Variants in C4orf51 observed in about 807,000 individuals in gnomAD.
C4orf51 encodes chromosome 4 open reading frame 51.
C4orf51 carries 25 observed loss-of-function variants against 25.2 expected under a neutral mutation model. The ratio of observed to expected loss-of-function variants is 0.99; its 90% CI spans 0.72 to 1.39. The LOEUF is 1.39. Ranked by LOEUF, C4orf51 falls within the 40% of genes most tolerant of loss-of-function variation. C4orf51 has a pLI of 0.00. For synonymous variants in C4orf51, 100 were observed against 84.5 expected (o/e 1.18, Z -1.01); for missense variants, 252 against 239.6 (o/e 1.05, Z -0.34).
chr4:145,775,818 A>G (rs751638060), downstream of C4orf51: 5 of 1,614,086 alleles, frequency 3.1e-6, no homozygotes, highest in African/African-American at 4.0e-5. Context: ...TCTTCCCATC[A>G]CTGCCTTCAG....
chr4:145,769,622 C>T (rs560244579), intron 1 of C4orf51, among the ~76,000 whole-genome samples: 76 of 152,310 alleles, frequency 5.0e-4, no homozygotes, highest in African/African-American at 1.7e-3. Context: ...ACAGCCTCTC[C>T]TGTTTCTGTC....
chr4:145,713,183 A>G (rs1731225543), intron 2 of C4orf51, among the ~76,000 whole-genome samples: 1 of 152,230 alleles, frequency 6.6e-6, no homozygotes, highest in Admixed American at 6.5e-5. Context: ...CTAACACAAC[A>G]TCCATTCTGT....
At chr4:145,688,612 T>C (rs1252980000) in intron 1 of C4orf51, among the ~76,000 whole-genome samples, 1 of 152,232 alleles carries the variant, frequency 6.6e-6, no homozygotes, top group Non-Finnish European at 1.5e-5. Flanking sequence ...TCTTCTGCCA[T>C]GATTGTAAGT....
intron 1 of C4orf51, among the ~76,000 whole-genome samples, chr4:145,748,414 T>G (rs1041438632): frequency 2.0e-5 from 3 of 152,124 alleles, no homozygotes; most frequent in Admixed American, 6.5e-5. Flanking sequence ...TCCTTATTTC[T>G]TTTCTTCTTC....
intron 2 of C4orf51, among the ~76,000 whole-genome samples, chr4:145,726,148 T>A (rs1383157558): frequency 1.3e-5 from 2 of 152,220 alleles, no homozygotes; most frequent in South Asian, 4.1e-4. Context: ...TTGTCTTACC[T>A]GTTTGATGCT....
At chr4:145,743,313 A>G (rs1354347831) in intron 1 of C4orf51, among the ~76,000 whole-genome samples, 1 of 152,188 alleles carries the variant, frequency 6.6e-6, no homozygotes, top group African/African-American at 2.4e-5. Flanking sequence ...GGGAAAGTCT[A>G]AGATCAAGGG....
At chr4:145,738,311 G>A (rs1732912596) in intron 1 of C4orf51, among the ~76,000 whole-genome samples, 1 of 152,002 alleles carries the variant, frequency 6.6e-6, no homozygotes, top group Non-Finnish European at 1.5e-5. Context: ...TTACCCAGGA[G>A]TGGTGGCAGG....
At chr4:145,721,793 A>G (rs1731754912) in intron 2 of C4orf51, among the ~76,000 whole-genome samples, 1 of 152,178 alleles carries the variant, frequency 6.6e-6, no homozygotes, top group African/African-American at 2.4e-5. Flanking sequence ...GTGAACTTAA[A>G]AGATAGAGAT....
At chr4:145,690,632 T>A (rs1324680008) in intron 1 of C4orf51, among the ~76,000 whole-genome samples, 2 of 152,040 alleles carry the variant, frequency 1.3e-5, no homozygotes, top group Non-Finnish European at 2.9e-5. Flanking sequence ...AACTGACAAT[T>A]GGGACCTCAT....
intron 1 of C4orf51, among the ~76,000 whole-genome samples, chr4:145,749,899 G>T (rs12502562): frequency 0.19 from 29,168 of 152,024 alleles, 3,768 homozygotes; most frequent in East Asian, 0.67. Flanking sequence ...CTCCCAAAGT[G>T]CTGGGATTAC....
Position 145,680,292 on chromosome 4 carries a change from C to G in C4orf51, c.89C>G (p.Ala30Gly). Reference protein sequence around the residue: ...SQEFDLIRRKAGASWQDETRW... With the variant: ...SQEFDLIRRKGGASWQDETRW... ...GAGTTTGATCTGATCAGACGCAAGGCTGGAGCATCTTGGCAGGATGAAACA... is the reference window on the plus strand; with the variant it reads ...GAGTTTGATCTGATCAGACGCAAGGGTGGAGCATCTTGGCAGGATGAAACA... Residue 30 changes from alanine to glycine, a missense_variant, in exon 1 of 6, where the codon GCT becomes GGT. By Grantham distance (60) the Ala-to-Gly change is moderately conservative (BLOSUM62 0). Transcript: ENST00000438731. 2 of 1,613,952 alleles carry G rather than the reference C, an allele frequency of 1.2e-6. No homozygotes were observed. Among genetic ancestry groups the G allele is most frequent in the East Asian group, 4.5e-5 (2 of 44,880 alleles).
intron 3 of C4orf51, 108 bp from the exon 4 acceptor site, chr4:145,729,061 C>A: frequency 3.8e-6 from 3 of 782,814 alleles, no homozygotes; most frequent in Non-Finnish European, 6.4e-6. Context: ...AGTATCAGTG[C>A]TTTCTGAATG....
rs1305486288 is a variant in C4orf51, at chr4:145,727,157, G to T, written c.366+188G>T. Among the ~76,000 whole-genome samples the T allele has an allele frequency of 2.0e-5, 3 of 152,082 alleles. No homozygotes were observed. The East Asian group carries it at 5.8e-4, about 29-fold the overall frequency. On this transcript the variant is annotated intron_variant, in intron 3 of 5. Coordinates refer to ENST00000438731, the MANE Select transcript of C4orf51 (RefSeq NM_001080531.3). ...GTGATAGGAACACAACAATAACCAAGGTTACGAATTGTGAACAACTGATGA... is the reference window on the plus strand; with the variant it reads ...GTGATAGGAACACAACAATAACCAATGTTACGAATTGTGAACAACTGATGA...
intron 2 of C4orf51, among the ~76,000 whole-genome samples, chr4:145,701,167 C>A (rs1009454452): frequency 7.9e-5 from 12 of 151,604 alleles, no homozygotes; most frequent in African/African-American, 1.2e-4. Context: ...ACATTAAACT[C>A]CAAAAATTAG....
At chr4:145,729,147 T>C (rs1001139729) in intron 3 of C4orf51, 22 bp from the exon 4 acceptor site, 5 of 1,526,364 alleles carry the variant, frequency 3.3e-6, no homozygotes, top group Non-Finnish European at 4.5e-6. Flanking sequence ...TTGGTATTTA[T>C]TTCTATCTCT....
At chr4:145,707,105 A>AT (rs1472743518) in intron 2 of C4orf51, among the ~76,000 whole-genome samples, 7 of 150,980 alleles carry the variant, frequency 4.6e-5, no homozygotes, top group African/African-American at 1.5e-4. Context: ...GCATGAGCCA[A>AT]TTTTTTTTAT....
At chr4:145,723,586 T>C (rs745950644) in intron 2 of C4orf51, among the ~76,000 whole-genome samples, 66 of 152,316 alleles carry the variant, frequency 4.3e-4, no homozygotes, top group Middle Eastern at 3.4e-3. Flanking sequence ...TAAATACCTG[T>C]AACCTGGAAT....
At chr4:145,767,991 A>C (rs1178483077) in intron 1 of C4orf51, among the ~76,000 whole-genome samples, 7 of 152,244 alleles carry the variant, frequency 4.6e-5, no homozygotes, top group Admixed American at 6.5e-5. Flanking sequence ...AGATAAAAGT[A>C]ACATTGTTTA....
chr4:145,743,288 C>T (rs1229407791), intron 1 of C4orf51, among the ~76,000 whole-genome samples: 2 of 152,086 alleles, frequency 1.3e-5, no homozygotes, highest in East Asian at 1.9e-4. Flanking sequence ...TTATTTGGCT[C>T]ATGGTTCTAA....
Sources: allele counts gnomAD v4.1 joint callset (sites outside exome capture counted in the v4.1 genomes callset), GRCh38; gene constraint gnomAD v4.1.1; transcripts MANE v1.5; gene names NCBI Gene and HGNC (gene_info 2026-07-23, HGNC 2026-07-21).